Variants in GABRG3 observed in about 807,000 individuals in gnomAD.
The protein encoded by GABRG3 is gamma-aminobutyric acid type A receptor subunit gamma3.
Under a neutral mutation model 48.8 loss-of-function variants are expected in GABRG3, and 25 were observed. The observed-to-expected ratio is 0.51, with a 90% CI of 0.37 to 0.72. The LOEUF is 0.72. Among genes scored for constraint, GABRG3 ranks in the 30% least tolerant of loss-of-function variants. GABRG3 has a pLI of 0.00. For synonymous variants in GABRG3, 227 were observed against 217.6 expected, an observed-to-expected ratio of 1.04 and a Z score of -0.38; for missense variants, 394 against 577.9, an observed-to-expected ratio of 0.68 and a Z score of 3.26.
chr15:27,061,498 AAAAC>A (rs1385493627), intron 3 of GABRG3, among the ~76,000 whole-genome samples: 2 of 151,702 alleles, frequency 1.3e-5, no homozygotes, highest in East Asian at 1.9e-4. Flanking sequence ...CTTTCACTAG[AAAAC>A]AAACTGTTCA....
intron 5 of GABRG3, among the ~76,000 whole-genome samples, chr15:27,467,835 T>G (rs1475774967): frequency 6.6e-6 from 1 of 152,222 alleles, no homozygotes; most frequent in Non-Finnish European, 1.5e-5. Flanking sequence ...TTTTGCTTTC[T>G]GCAGTTTCAC....
intron 6 of GABRG3, among the ~76,000 whole-genome samples, chr15:27,498,049 T>C (rs895302607): frequency 2.0e-5 from 3 of 152,244 alleles, no homozygotes; most frequent in African/African-American, 7.2e-5. Flanking sequence ...TATGCTACTG[T>C]GTGAATAAAC....
intron 5 of GABRG3, among the ~76,000 whole-genome samples, chr15:27,440,099 G>A (rs74006944): frequency 0.017 from 2,621 of 152,084 alleles, 92 homozygotes; most frequent in African/African-American, 0.061. Flanking sequence ...ACAGTGCTTC[G>A]AGGTGCTGAT....
At chr15:27,427,518 A>C (rs1475567470) in intron 5 of GABRG3, among the ~76,000 whole-genome samples, 1 of 152,200 alleles carries the variant, frequency 6.6e-6, no homozygotes, top group Admixed American at 6.5e-5. Flanking sequence ...AAACAGCTTC[A>C]TGTAGGCCTG....
intron 5 of GABRG3, among the ~76,000 whole-genome samples, chr15:27,426,788 A>G (rs1218811310): frequency 6.6e-6 from 1 of 152,042 alleles, no homozygotes; most frequent in Admixed American, 6.5e-5. Context: ...GCTGCCCCTC[A>G]CTCCATCCTG....
chr15:26,992,611 CTGTT>C (rs1449711000), intron 2 of GABRG3, among the ~76,000 whole-genome samples: 1 of 152,040 alleles, frequency 6.6e-6, no homozygotes, highest in African/African-American at 2.4e-5. Flanking sequence ...TTGTTGAATT[CTGTT>C]TGTTTGTATT....
At chr15:27,018,206 T>G (rs1233219762) in intron 2 of GABRG3, among the ~76,000 whole-genome samples, 1 of 152,252 alleles carries the variant, frequency 6.6e-6, no homozygotes, top group Admixed American at 6.5e-5. Flanking sequence ...TATGGCTACT[T>G]CAGAGTCAAA....
At chr15:27,007,954 G>A (rs1312281689) in intron 2 of GABRG3, among the ~76,000 whole-genome samples, 1 of 152,100 alleles carries the variant, frequency 6.6e-6, no homozygotes, top group East Asian at 1.9e-4. Flanking sequence ...AATTGCTTTT[G>A]ATGTATTCAT....
intron 3 of GABRG3, among the ~76,000 whole-genome samples, chr15:27,274,326 G>T (rs772154510): frequency 1.3e-5 from 2 of 152,170 alleles, no homozygotes; most frequent in Non-Finnish European, 2.9e-5. Context: ...ATAAAGAAAA[G>T]AGGCTTGTTG....
At chr15:27,479,757 G>A (rs909748844) in intron 5 of GABRG3, among the ~76,000 whole-genome samples, 4 of 152,210 alleles carry the variant, frequency 2.6e-5, no homozygotes, top group African/African-American at 9.6e-5. Context: ...ATGACATAAG[G>A]CCTAGACCTG....
intron 3 of GABRG3, among the ~76,000 whole-genome samples, chr15:27,304,789 G>C (rs1254314922): frequency 1.3e-5 from 2 of 151,926 alleles, no homozygotes; most frequent in East Asian, 3.9e-4. Flanking sequence ...GTGATATAAT[G>C]TATTCAGATT....
At chr15:27,136,214 C>T (rs541188357) in intron 3 of GABRG3, among the ~76,000 whole-genome samples, 5 of 152,156 alleles carry the variant, frequency 3.3e-5, no homozygotes, top group Non-Finnish European at 7.3e-5. Context: ...TTTTAAGGCT[C>T]TGAAGAGCTA....
At chr15:27,455,340 T>G (rs1276361446) in intron 5 of GABRG3, among the ~76,000 whole-genome samples, 1 of 151,212 alleles carries the variant, frequency 6.6e-6, no homozygotes, top group Non-Finnish European at 1.5e-5. Context: ...CATTTGTGTA[T>G]ATGTGCATGG....
intron 5 of GABRG3, among the ~76,000 whole-genome samples, chr15:27,355,963 G>T (rs188125568): frequency 7.2e-5 from 11 of 152,274 alleles, no homozygotes; most frequent in African/African-American, 2.4e-4. Context: ...TGGGATTGGG[G>T]AATGGGGAAT....
chr15:27,437,106 A>G, intron 5 of GABRG3, among the ~76,000 whole-genome samples: 1 of 151,372 alleles, frequency 6.6e-6, no homozygotes, highest in South Asian at 2.1e-4. Flanking sequence ...AGCTTGGATA[A>G]TGTTGGTTAT....
intron 3 of GABRG3, among the ~76,000 whole-genome samples, chr15:27,183,505 A>T (rs1595571337): frequency 6.6e-6 from 1 of 152,218 alleles, no homozygotes; most frequent in East Asian, 1.9e-4. Flanking sequence ...CAAAAGTATT[A>T]TTGTGAAGGG....
chr15:27,510,531 C>T (rs1315941925), intron 6 of GABRG3, among the ~76,000 whole-genome samples: 1 of 152,186 alleles, frequency 6.6e-6, no homozygotes, highest in Non-Finnish European at 1.5e-5. Flanking sequence ...GTTCTGTCAT[C>T]CTCTCCCAGG....
At chr15:27,062,434 TAAAAAAAA>T (rs57903886) in intron 3 of GABRG3, among the ~76,000 whole-genome samples, 5 of 32,824 alleles carry the variant, frequency 1.5e-4, no homozygotes, top group Non-Finnish European at 3.4e-4. Flanking sequence ...CCATCTCTAC[TAAAAAAAA>T]AAAAAAAAAA....
At chr15:27,486,457 A>C (rs1161594141) in intron 6 of GABRG3, among the ~76,000 whole-genome samples, 1 of 152,144 alleles carries the variant, frequency 6.6e-6, no homozygotes, top group African/African-American at 2.4e-5. Flanking sequence ...AATTCTCCAA[A>C]CTCAAAAAAA....
Sources: allele counts gnomAD v4.1 joint callset (sites outside exome capture counted in the v4.1 genomes callset), GRCh38; gene constraint gnomAD v4.1.1; transcripts MANE v1.5; gene names NCBI Gene and HGNC (gene_info 2026-07-23, HGNC 2026-07-21).